Variants in TAFA2 observed in about 807,000 individuals in gnomAD.
TAFA2 encodes the protein TAFA chemokine like family member 2.
A neutral mutation model predicts 18.8 loss-of-function variants in TAFA2; 7 were observed. The observed-to-expected ratio is 0.37, with a 90% confidence interval of 0.21 to 0.70. TAFA2 has a LOEUF of 0.70. Among genes scored for constraint, TAFA2 ranks in the 30% least tolerant of loss-of-function variants. The probability of loss-of-function intolerance (pLI) is 0.53; values close to 1 mark genes in which losing one functional copy is unlikely to be tolerated. For missense variants in TAFA2, 122 were observed against 158.1 expected (o/e 0.77, Z 1.23); for synonymous variants, 60 against 54.2 (o/e 1.11, Z -0.47).
At chr12:62,119,948 C>T (rs1007825098) in intron 1 of TAFA2, among the ~76,000 whole-genome samples, 4 of 151,866 alleles carry the variant, frequency 2.6e-5, no homozygotes, top group Non-Finnish European at 5.9e-5. Context: ...TGGTGCAAGC[C>T]TGTAATCCCA....
chr12:62,081,003 C>G (rs527367658), intron 1 of TAFA2, among the ~76,000 whole-genome samples: 1 of 152,194 alleles, frequency 6.6e-6, no homozygotes, highest in Non-Finnish European at 1.5e-5. Flanking sequence ...GACCATTCTG[C>G]CTGACACGGT....
intron 1 of TAFA2, among the ~76,000 whole-genome samples, chr12:62,175,667 T>A (rs1055118670): frequency 1.3e-5 from 2 of 152,138 alleles, no homozygotes; most frequent in Non-Finnish European, 2.9e-5. Context: ...TTGTTTTCTA[T>A]GACACTGAAT....
chr12:61,976,858 C>T (rs35039559), intron 1 of TAFA2, among the ~76,000 whole-genome samples: 10 of 151,856 alleles, frequency 6.6e-5, no homozygotes, highest in Non-Finnish European at 8.8e-5. Context: ...TGAACTCATC[C>T]TTTTTTATGG....
intron 2 of TAFA2, among the ~76,000 whole-genome samples, chr12:61,772,106 T>A (rs187723403): frequency 6.6e-6 from 1 of 152,016 alleles, no homozygotes; most frequent in East Asian, 1.9e-4. Flanking sequence ...AACACCTTCA[T>A]GTTCACATAC....
chr12:61,913,389 T>C (rs977381664), intron 1 of TAFA2, among the ~76,000 whole-genome samples: 6 of 152,216 alleles, frequency 3.9e-5, no homozygotes, highest in African/African-American at 9.6e-5. Context: ...ATATGTGTTA[T>C]GATACCCAAT....
chr12:61,848,350 A>T (rs1873492869), intron 2 of TAFA2, among the ~76,000 whole-genome samples: 1 of 152,196 alleles, frequency 6.6e-6, no homozygotes, highest in Non-Finnish European at 1.5e-5. Context: ...TGTGTATAGG[A>T]ATTTGTATTT....
At chr12:62,086,928 T>C (rs750857480) in intron 1 of TAFA2, among the ~76,000 whole-genome samples, 2 of 152,108 alleles carry the variant, frequency 1.3e-5, no homozygotes. Context: ...ATGTGGTATA[T>C]ACATAAGATG....
intron 1 of TAFA2, among the ~76,000 whole-genome samples, chr12:62,177,139 GA>G (rs1420574932): frequency 6.6e-6 from 1 of 152,228 alleles, no homozygotes; most frequent in Non-Finnish European, 1.5e-5. Context: ...CAACAGGGGG[GA>G]AACCTTCATC....
intron 1 of TAFA2, among the ~76,000 whole-genome samples, chr12:62,183,092 A>G (rs1041539831): frequency 6.6e-6 from 1 of 152,172 alleles, no homozygotes; most frequent in African/African-American, 2.4e-5. Context: ...TAAATCTCCA[A>G]TGTGATGGTA....
intron 1 of TAFA2, among the ~76,000 whole-genome samples, chr12:62,016,186 C>T (rs1488502161): frequency 2.0e-5 from 3 of 152,102 alleles, no homozygotes; most frequent in Non-Finnish European, 2.9e-5. Context: ...TTGAGTTCCA[C>T]GTGCACAAAT....
intron 2 of TAFA2, among the ~76,000 whole-genome samples, chr12:61,820,738 G>A (rs1237533303): frequency 6.6e-6 from 1 of 151,938 alleles, no homozygotes; most frequent in Non-Finnish European, 1.5e-5. Flanking sequence ...ATGAATTTCA[G>A]TACAAGCTTT....
chr12:61,930,577 T>C (rs939300513), intron 1 of TAFA2, among the ~76,000 whole-genome samples: 24 of 152,230 alleles, frequency 1.6e-4, no homozygotes, highest in African/African-American at 4.1e-4. Flanking sequence ...TTCAAGCTGC[T>C]AGATTCAAAG....
intron 1 of TAFA2, among the ~76,000 whole-genome samples, chr12:62,035,733 C>CTTTTTTTTTTTTTT (rs34859628): frequency 1.7e-5 from 1 of 60,228 alleles, no homozygotes; most frequent in African/African-American, 7.6e-5. Flanking sequence ...ATGATTCTTT[C>CTTTTTTTTTTTTTT]TTTTTTTTTT....
At chr12:61,936,502 A>G (rs1877773722) in intron 1 of TAFA2, among the ~76,000 whole-genome samples, 1 of 152,168 alleles carries the variant, frequency 6.6e-6, no homozygotes, top group Admixed American at 6.5e-5. Context: ...CAGGAGATGA[A>G]GGTTGCAGTG....
chr12:62,206,876 G>GC (rs1555198170), intron 1 of TAFA2: 8 of 151,722 alleles, frequency 5.3e-5, no homozygotes, highest in African/African-American at 1.9e-4. Context: ...TTACATCCTG[G>GC]TTTTTTTTAC....
chr12:62,022,967 C>A (rs1402969402), intron 1 of TAFA2, among the ~76,000 whole-genome samples: 1 of 152,156 alleles, frequency 6.6e-6, no homozygotes, highest in Non-Finnish European at 1.5e-5. Flanking sequence ...TAGGATTATA[C>A]TGTTGGATAC....
rs74699979 is a variant in TAFA2, at chr12:62,254,204, T to C, written c.-130+4559A>G. Among the ~76,000 whole-genome samples the C allele has an allele frequency of 5.5e-3, 834 of 152,328 alleles. 7 individuals are homozygous for C. Among genetic ancestry groups the C allele is most frequent in the African/African-American group, 0.019 (782 of 41,582 alleles). On this transcript the variant is annotated intron_variant, in intron 1 of 5. Transcript: ENST00000551619. ...ATCAAATTTAGTAGCTGCTCTGGTC[T>C]AAGGGAGGCAAATATTTTATAAATC...
intron 1 of TAFA2, among the ~76,000 whole-genome samples, chr12:61,935,118 A>G (rs1052346807): frequency 1.6e-4 from 25 of 152,202 alleles, no homozygotes; most frequent in African/African-American, 6.0e-4. Flanking sequence ...GCAAAGTGCT[A>G]GGCTTTACTA....
intron 1 of TAFA2, among the ~76,000 whole-genome samples, chr12:62,105,159 T>G (rs115292093): frequency 0.017 from 2,547 of 152,126 alleles, 60 homozygotes; most frequent in African/African-American, 0.057. Flanking sequence ...TAATGCAAAC[T>G]CATTTACAGA....
Sources: gnomAD v4.1 joint callset for allele counts (sites outside exome capture counted in the v4.1 genomes callset) on GRCh38, gnomAD v4.1.1 for gene constraint, MANE v1.5 for transcripts, NCBI Gene and HGNC (gene_info 2026-07-23, HGNC 2026-07-21) for gene names.